Variants in NRXN1 observed in about 807,000 individuals in gnomAD.
NRXN1 encodes neurexin-1.
Under a neutral mutation model 150.9 loss-of-function variants are expected in NRXN1, and 39 were observed. The ratio of observed to expected loss-of-function variants is 0.26; its 90% CI spans 0.20 to 0.34. The LOEUF is 0.34. NRXN1 is among the 10% of genes least tolerant of loss of function. The pLI, the probability that NRXN1 is intolerant of heterozygous loss-of-function variation, is 1.00. For synonymous variants in NRXN1, 924 were observed against 757.0 expected, an observed-to-expected ratio of 1.22 and a Z score of -3.62; for missense variants, 1,815 against 1,949.9, an observed-to-expected ratio of 0.93 and a Z score of 1.30.
In NRXN1 at chr2:49,920,088, T is replaced by G. The variant is rs1464599249; in HGVS notation, c.*1856A>C. The G allele has an allele frequency of 1.3e-5, 2 of 152,206 alleles. No individual in the cohort carries two copies. The highest frequency in any genetic ancestry group is 2.4e-5 in the African/African-American group (1 of 41,458). The allele number at this position is 152,206 out of a possible 1,614,324, so 9.4% of individuals were successfully genotyped here. On this transcript the variant is annotated 3_prime_UTR_variant, in exon 23 of 23. Transcript: ENST00000401669. ...CATTTTTTGCACTACCTTCTCATATTAGTAATTTATTGCTGTGAACATCAT... is the reference window on the plus strand; with the variant it reads ...CATTTTTTGCACTACCTTCTCATATGAGTAATTTATTGCTGTGAACATCAT...
At chr2:50,267,276 C>T (rs1030494412) in intron 17 of NRXN1, among the ~76,000 whole-genome samples, 1 of 152,160 alleles carries the variant, frequency 6.6e-6, no homozygotes, top group African/African-American at 2.4e-5. Flanking sequence ...GTCACTGTTT[C>T]TGCATTTTGA....
intron 8 of NRXN1, chr2:50,615,613 A>G (rs1042270060): frequency 6.6e-6 from 1 of 152,200 alleles, no homozygotes; most frequent in African/African-American, 2.4e-5. Context: ...ATATTGGGAT[A>G]GAAACACATA....
intron 8 of NRXN1, among the ~76,000 whole-genome samples, chr2:50,573,365 A>T (rs551435354): frequency 4.5e-5 from 2 of 44,400 alleles, no homozygotes; most frequent in Non-Finnish European, 9.8e-5. Context: ...TCTGTCTTTA[A>T]AAAAAAAAAA....
chr2:50,351,881 A>G (rs1303991802), intron 17 of NRXN1, among the ~76,000 whole-genome samples: 1 of 152,136 alleles, frequency 6.6e-6, no homozygotes, highest in East Asian at 1.9e-4. Flanking sequence ...TAAAAGAATG[A>G]AGAGCTGGAA....
At chr2:49,931,442 T>G (rs927971480) in intron 22 of NRXN1, among the ~76,000 whole-genome samples, 4 of 152,092 alleles carry the variant, frequency 2.6e-5, no homozygotes, top group Non-Finnish European at 5.9e-5. Context: ...ATCAGTTTGA[T>G]TCATTTGGAT....
intron 5 of NRXN1, among the ~76,000 whole-genome samples, chr2:50,775,053 C>A (rs184054730): frequency 4.3e-4 from 66 of 152,258 alleles, no homozygotes; most frequent in Non-Finnish European, 7.4e-4. Context: ...CTGCTCTACT[C>A]CATCCTTTGC....
At chr2:50,844,797 T>C (rs1366960635) in intron 5 of NRXN1, among the ~76,000 whole-genome samples, 3 of 152,096 alleles carry the variant, frequency 2.0e-5, no homozygotes, top group East Asian at 3.9e-4. Flanking sequence ...TGGAAAGTTA[T>C]AGGAGAGTCA....
chr2:50,036,709 T>C (rs994764324), intron 21 of NRXN1, among the ~76,000 whole-genome samples: 39 of 152,262 alleles, frequency 2.6e-4, no homozygotes, highest in African/African-American at 9.1e-4. Flanking sequence ...GCTTAATCGG[T>C]GTGGCAAAAG....
At chr2:50,803,529 G>A (rs907508963) in intron 5 of NRXN1, among the ~76,000 whole-genome samples, 4 of 152,096 alleles carry the variant, frequency 2.6e-5, no homozygotes, top group African/African-American at 4.8e-5. Context: ...TGTATAAATC[G>A]TGCAATAACA....
intron 5 of NRXN1, among the ~76,000 whole-genome samples, chr2:50,674,188 T>C (rs1689240584): frequency 6.6e-6 from 1 of 152,116 alleles, no homozygotes; most frequent in Non-Finnish European, 1.5e-5. Flanking sequence ...CAGAAGAGTA[T>C]GGAACTCTTG....
At chr2:50,329,455 C>T (rs141050516) in intron 17 of NRXN1, among the ~76,000 whole-genome samples, 6 of 150,114 alleles carry the variant, frequency 4.0e-5, no homozygotes, top group African/African-American at 1.5e-4. Flanking sequence ...AAGAAACATA[C>T]AGAGGAGGAG....
In NRXN1 at chr2:50,352,753, G is replaced by GATAATA. The variant is rs201046323; in HGVS notation, c.3364+112683_3364+112688dup. On this transcript the variant is annotated intron_variant, in intron 17 of 22. Transcript: ENST00000401669. ...ATCAGAAAATGAGAGTAAGAGCATT[G>GATAATA]ATAATAATAATAATAATAATAATAT... 1.7e-3 allele frequency among the ~76,000 whole-genome samples: 142 copies of GATAATA among 83,808 alleles called. 1 individual carries two copies. Among genetic ancestry groups the GATAATA allele is most frequent in the Admixed American group, 4.5e-3 (33 of 7,288 alleles). 55.0% of individuals were successfully genotyped at this position (83,808 alleles called of 152,430 possible). A position where few individuals can be genotyped will look rare whatever the true frequency, so the allele number is the denominator to read the frequency against.
intron 21 of NRXN1, among the ~76,000 whole-genome samples, chr2:49,969,131 C>T (rs755589572): frequency 1.3e-5 from 2 of 152,192 alleles, no homozygotes; most frequent in Non-Finnish European, 2.9e-5. Context: ...AAATTTTTGG[C>T]TTGCTATATG....
chr2:49,992,981 A>C (rs754805461), intron 21 of NRXN1, among the ~76,000 whole-genome samples: 1 of 152,248 alleles, frequency 6.6e-6, no homozygotes, highest in Non-Finnish European at 1.5e-5. Flanking sequence ...TTTCACAGCC[A>C]TTTTGGAAGA....
chr2:50,212,299 CAA>C (rs10668763), intron 18 of NRXN1, among the ~76,000 whole-genome samples: 36 of 108,306 alleles, frequency 3.3e-4, no homozygotes, highest in African/African-American at 9.7e-4. Context: ...TTTGAATTTG[CAA>C]AAAAAAAAAA....
At chr2:50,586,296 A>G (rs1000509144) in intron 8 of NRXN1, among the ~76,000 whole-genome samples, 15 of 152,300 alleles carry the variant, frequency 9.8e-5, no homozygotes, top group African/African-American at 3.6e-4. Context: ...TGAACATCTT[A>G]TAAAAATAAT....
intron 5 of NRXN1, among the ~76,000 whole-genome samples, chr2:50,657,800 T>G (rs551292303): frequency 6.6e-6 from 1 of 152,152 alleles, no homozygotes; most frequent in African/African-American, 2.4e-5. Flanking sequence ...TGTTGACCCT[T>G]ACAACAGCTC....
chr2:50,370,701 G>C (rs1029578365), intron 17 of NRXN1, among the ~76,000 whole-genome samples: 1 of 151,962 alleles, frequency 6.6e-6, no homozygotes, highest in African/African-American at 2.4e-5. Context: ...TGGTGGAAGA[G>C]GAACAGAAAA....
chr2:50,739,952 G>T (rs1699232949), intron 5 of NRXN1, among the ~76,000 whole-genome samples: 1 of 152,108 alleles, frequency 6.6e-6, no homozygotes, highest in South Asian at 2.1e-4. Flanking sequence ...AAATCAACTG[G>T]CAGCATAAGC....
Sources: allele counts gnomAD v4.1 joint callset (sites outside exome capture counted in the v4.1 genomes callset), GRCh38; gene constraint gnomAD v4.1.1; transcripts MANE v1.5; gene names NCBI Gene and HGNC (gene_info 2026-07-23, HGNC 2026-07-21).